PARD3B: variants seen among roughly 807,000 people sequenced by gnomAD.
The protein encoded by PARD3B is partitioning defective 3 homolog B.
In PARD3B, 103 loss-of-function variants were observed where a neutral mutation model predicts 130.2. The ratio of observed to expected loss-of-function variants is 0.79; its 90% confidence interval spans 0.67 to 0.93. PARD3B has a LOEUF of 0.93. PARD3B is among the 40% of genes least tolerant of loss of function. The probability of loss-of-function intolerance (pLI) is 0.00; values close to 1 mark genes in which losing one functional copy is unlikely to be tolerated. For missense variants in PARD3B, 1,609 were observed against 1,499.2 expected (o/e 1.07, Z -1.21); for synonymous variants, 583 against 553.2 (o/e 1.05, Z -0.76).
chr2:205,574,016 A>C (rs746074534), intron 22 of PARD3B, among the ~76,000 whole-genome samples: 1 of 152,216 alleles, frequency 6.6e-6, no homozygotes, highest in Non-Finnish European at 1.5e-5. Context: ...TTATATATTA[A>C]AAGGTGTTGA....
intron 3 of PARD3B, among the ~76,000 whole-genome samples, chr2:205,025,190 C>T (rs1333660725): frequency 6.6e-6 from 1 of 152,118 alleles, no homozygotes; most frequent in African/African-American, 2.4e-5. Flanking sequence ...CAGTCTGCGG[C>T]ACTTAGATAG....
chr2:204,807,163 G>A lies in PARD3B; in HGVS notation c.222+120881G>A, dbSNP rs191994491. Among the ~76,000 whole-genome samples, 7 of 152,188 alleles carry A rather than the reference G, an allele frequency of 4.6e-5. No homozygotes were observed. The East Asian group carries it at 5.8e-4, about 13-fold the overall frequency. On this transcript the variant is annotated intron_variant, in intron 2 of 22. Transcript: ENST00000406610. Reference sequence around the variant, plus strand: ...AACAGCATGGGAAAAACCCACCCCCGTGATTCAATTACCTCTACCAGATCC... The same window carrying A: ...AACAGCATGGGAAAAACCCACCCCCATGATTCAATTACCTCTACCAGATCC...
intron 22 of PARD3B, among the ~76,000 whole-genome samples, chr2:205,557,545 A>G (rs1342751390): frequency 6.6e-6 from 1 of 152,130 alleles, no homozygotes; most frequent in Non-Finnish European, 1.5e-5. Context: ...CCATGATTAT[A>G]GCCCCAGTTT....
chr2:204,680,333 T>A (rs1371117270), intron 1 of PARD3B, among the ~76,000 whole-genome samples: 4 of 152,020 alleles, frequency 2.6e-5, no homozygotes, highest in African/African-American at 9.7e-5. Context: ...GTTCATTTTA[T>A]AAAAATTGTT....
chr2:205,577,762 T>C lies in PARD3B; in HGVS notation c.3260+24359T>C, dbSNP rs184476438. 1.6e-4 allele frequency among the ~76,000 whole-genome samples: 25 copies of C among 152,296 alleles called. 1 individual carries two copies. The East Asian group carries it at 4.8e-3, about 29-fold the overall frequency. ...AGGTTAACAGTGTCTCCAAGAGTGTTCAAGTCTCCCTGCTCTCATCAGATG... is the reference window on the plus strand; with the variant it reads ...AGGTTAACAGTGTCTCCAAGAGTGTCCAAGTCTCCCTGCTCTCATCAGATG... On this transcript the variant is annotated intron_variant, in intron 22 of 22. Coordinates refer to ENST00000406610, the MANE Select transcript of PARD3B (RefSeq NM_001302769.2).
chr2:205,440,548 C>A lies in PARD3B; in HGVS notation c.2920C>A (p.Pro974Thr), dbSNP rs201407485. The A allele has an allele frequency of 2.5e-6, 4 of 1,614,084 alleles. No individual in the cohort carries two copies. The highest frequency in any genetic ancestry group is 3.4e-6 in the Non-Finnish European group (4 of 1,179,978). The change falls in exon 20 of 23, where the codon CCC becomes ACC. Residue 974 changes from proline to threonine, a missense_variant. Physicochemically the swap from Pro to Thr is conservative, Grantham distance 38. Coordinates refer to ENST00000406610, the MANE Select transcript of PARD3B (RefSeq NM_001302769.2). This position sits in a 1 kb window ranked among gnomAD's most constrained non-coding sequence, Gnocchi z 4.2. The part of the protein sequence containing the change: ...TSANVFRSPS[P>T]PRAGPFGYPR... Reference sequence around the variant, plus strand: ...AGCAAATGTCTTTAGATCTCCATCTCCCCCTCGAGCTGGACCATTTGGTTA... The same window carrying A: ...AGCAAATGTCTTTAGATCTCCATCTACCCCTCGAGCTGGACCATTTGGTTA...
chr2:205,343,317 T>C (rs746487133), intron 18 of PARD3B, among the ~76,000 whole-genome samples: 1 of 152,192 alleles, frequency 6.6e-6, no homozygotes, highest in Non-Finnish European at 1.5e-5. Context: ...TAACATGTGC[T>C]CCGAGCATGA....
chr2:205,331,804 AAG>A (rs2043144383), intron 18 of PARD3B, among the ~76,000 whole-genome samples: 4 of 149,398 alleles, frequency 2.7e-5, no homozygotes, highest in Admixed American at 2.7e-4. Context: ...AAAAAAAAAA[AAG>A]AAGTAGAGCA....
chr2:205,038,126 A>G (rs1035029828), intron 3 of PARD3B, among the ~76,000 whole-genome samples: 1 of 152,110 alleles, frequency 6.6e-6, no homozygotes, highest in South Asian at 2.1e-4. Flanking sequence ...TCTGTTTGGC[A>G]TATACACCTG....
rs1703154190 is a variant in PARD3B at position 205,105,722 on chromosome 2, GA to G, written c.593+1209del. 6.6e-6 allele frequency among the ~76,000 whole-genome samples: 1 copy of G among 151,722 alleles called. No homozygotes were observed. The highest frequency in any genetic ancestry group is 2.1e-4 in the South Asian group (1 of 4,776). ...GAGAGGCTGATACAGAGGATCACTT[GA>G]GTGCAGGAGTTCGAGTCCATCTTGC... On this transcript the variant is annotated intron_variant, in intron 5 of 22. Transcript: ENST00000406610. The surrounding 1 kb of genome is among the most constrained non-coding windows in gnomAD (Gnocchi z 4.0).
At chr2:204,951,819 C>T (rs1251112551) in intron 2 of PARD3B, among the ~76,000 whole-genome samples, 1 of 152,114 alleles carries the variant, frequency 6.6e-6, no homozygotes, top group East Asian at 1.9e-4. Context: ...ATATGCTGTT[C>T]AAGAAATGAT....
intron 18 of PARD3B, among the ~76,000 whole-genome samples, chr2:205,384,716 C>A (rs897463744): frequency 6.6e-6 from 1 of 152,068 alleles, no homozygotes; most frequent in Admixed American, 6.6e-5. Flanking sequence ...TATACATAGT[C>A]TTTTGGGAAT....
In PARD3B at chr2:205,550,934, TG is replaced by T; in HGVS notation, c.3181-2389del. 8.5e-6 allele frequency among the ~76,000 whole-genome samples: 1 copy of T among 117,536 alleles called. No individual in the cohort carries two copies. The highest frequency in any genetic ancestry group is 8.6e-5 in the Admixed American group (1 of 11,666). 77.1% of individuals were successfully genotyped at this position (117,536 alleles called of 152,430 possible). A position where few individuals can be genotyped will look rare whatever the true frequency, so the allele number is the denominator to read the frequency against. ...AAATACATATAATTATGTGTGTGTG[TG>T]TGTGTGTATATATATATGTGTATAT... On this transcript the variant is annotated intron_variant, in intron 21 of 22. Transcript: ENST00000406610. The surrounding 1 kb of genome is among the most constrained non-coding windows in gnomAD (Gnocchi z 4.5).
chr2:204,652,632 C>T (rs1326061967), intron 1 of PARD3B, among the ~76,000 whole-genome samples: 1 of 152,206 alleles, frequency 6.6e-6, no homozygotes, highest in Admixed American at 6.5e-5. Context: ...AAGTTGCTTT[C>T]ACATTGTTAG....
intron 4 of PARD3B, among the ~76,000 whole-genome samples, chr2:205,085,703 A>G (rs1013333194): frequency 1.3e-5 from 2 of 152,022 alleles, no homozygotes; most frequent in Non-Finnish European, 2.9e-5. Flanking sequence ...TATTTAAATT[A>G]ATTTAGGTAT....
Position 205,172,269 on chromosome 2 carries a change from G to A in PARD3B, c.1679G>A (p.Gly560Glu). 1 of 1,614,142 alleles carries A rather than the reference G, an allele frequency of 6.2e-7. No homozygotes were observed. Among genetic ancestry groups the A allele is most frequent in the Non-Finnish European group, 8.5e-7 (1 of 1,180,018 alleles). Reference sequence around the variant, plus strand: ...GCAGTTAATGGGGAATCTCTTTTGGGAAAGTCCAACCACGAAGCTATGGAA... The same window carrying A: ...GCAGTTAATGGGGAATCTCTTTTGGAAAAGTCCAACCACGAAGCTATGGAA... ...LIAVNGESLLGKSNHEAMETL... is the reference protein window; with the variant it reads ...LIAVNGESLLEKSNHEAMETL... The change falls in exon 12 of 23, where the codon GGA becomes GAA. Residue 560 changes from glycine (G) to glutamate (E), a missense_variant. By Grantham distance (98) the Gly-to-Glu change is moderately conservative (BLOSUM62 -2). Coordinates refer to ENST00000406610, the MANE Select transcript of PARD3B (RefSeq NM_001302769.2).
chr2:205,352,964 A>G lies in PARD3B; in HGVS notation c.2631-48049A>G, dbSNP rs1407147062. Among the ~76,000 whole-genome samples the G allele has an allele frequency of 6.6e-6, 1 of 152,210 alleles. No homozygotes were observed. Among genetic ancestry groups the G allele is most frequent in the African/African-American group, 2.4e-5 (1 of 41,444 alleles). ...TTCTGTTTTTCAGAAGTCTCCCCCAAAATGTTTTGAGACAAAAATCAGAAT... is the reference window on the plus strand; with the variant it reads ...TTCTGTTTTTCAGAAGTCTCCCCCAGAATGTTTTGAGACAAAAATCAGAAT... On this transcript the variant is annotated intron_variant, in intron 18 of 22. Transcript: ENST00000406610. The surrounding 1 kb of genome is among the most constrained non-coding windows in gnomAD (Gnocchi z 5.2).
At chr2:205,045,734 T>A (rs986802754) in intron 3 of PARD3B, among the ~76,000 whole-genome samples, 54 of 151,494 alleles carry the variant, frequency 3.6e-4, no homozygotes, top group Non-Finnish European at 3.8e-4. Flanking sequence ...TCTCTCTCTC[T>A]CACACACGCA....
At chr2:204,795,284 T>C (rs1473031945) in intron 2 of PARD3B, among the ~76,000 whole-genome samples, 3 of 152,216 alleles carry the variant, frequency 2.0e-5, no homozygotes, top group Admixed American at 6.5e-5. Context: ...GATTGAGTCA[T>C]TTTGATAGTG....
Sources: gnomAD v4.1 joint callset for allele counts (sites outside exome capture counted in the v4.1 genomes callset) on GRCh38, gnomAD v4.1.1 for gene constraint, Gnocchi (gnomAD v3.1) non-coding constraint, MANE v1.5 for transcripts, NCBI Gene and HGNC (gene_info 2026-07-23, HGNC 2026-07-21) for gene names.